The following CSMD1 variants were observed in gnomAD, a reference collection of about 807,000 sequenced individuals.
CSMD1 encodes CUB and sushi domain-containing protein 1.
CSMD1 carries 213 observed loss-of-function variants against 417.5 expected under a neutral mutation model. The ratio of observed to expected loss-of-function variants is 0.51; its 90% CI spans 0.46 to 0.57. The LOEUF (loss-of-function observed/expected upper bound fraction) is 0.57, where lower values mean the gene tolerates loss of function less well. CSMD1 is among the 20% of genes least tolerant of loss of function. CSMD1 has a pLI of 0.00. For synonymous variants in CSMD1, 2,862 were observed against 1,736.8 expected (o/e 1.65, Z -16.11); for missense variants, 6,923 against 4,529.7 (o/e 1.53, Z -15.17).
chr8:4,708,973 T>C (rs1416968105), intron 1 of CSMD1, among the ~76,000 whole-genome samples: 2 of 152,190 alleles, frequency 1.3e-5, no homozygotes, highest in African/African-American at 4.8e-5. Context: ...ATCCTGCTGA[T>C]ACCTCGATCT....
intron 1 of CSMD1, among the ~76,000 whole-genome samples, chr8:4,762,512 A>C (rs1400840335): frequency 6.6e-6 from 1 of 152,180 alleles, no homozygotes; most frequent in African/African-American, 2.4e-5. Context: ...AGGTAAGCAT[A>C]TATGTCTCCT....
intron 1 of CSMD1, among the ~76,000 whole-genome samples, chr8:4,980,409 G>C (rs73659428): frequency 5.3e-5 from 8 of 152,180 alleles, no homozygotes; most frequent in African/African-American, 1.7e-4. Context: ...GGCAGGTCTG[G>C]TCTTGTGTGT....
intron 26 of CSMD1, among the ~76,000 whole-genome samples, chr8:3,240,466 C>G (rs7839340): frequency 0.74 from 111,794 of 151,502 alleles, 41,920 homozygotes; most frequent in South Asian, 0.83. Flanking sequence ...GAGAGATCAG[C>G]TGAACACGAT....
At chr8:3,740,129 G>T (rs1796720399) in intron 6 of CSMD1, among the ~76,000 whole-genome samples, 1 of 152,032 alleles carries the variant, frequency 6.6e-6, no homozygotes, top group African/African-American at 2.4e-5. Context: ...TTTTGAGATG[G>T]AGTTTCACTC....
At chr8:3,671,047 G>GTATATGGGATATATA (rs1231383963) in intron 7 of CSMD1, among the ~76,000 whole-genome samples, 12 of 121,650 alleles carry the variant, frequency 9.9e-5, no homozygotes, top group African/African-American at 3.3e-4. Context: ...GGATATATAT[G>GTATATGGGATATATA]TATATAGGAT....
At chr8:3,313,431 C>A (rs538903685) in intron 23 of CSMD1, among the ~76,000 whole-genome samples, 1 of 152,110 alleles carries the variant, frequency 6.6e-6, no homozygotes, top group Non-Finnish European at 1.5e-5. Context: ...AAAAAACAAC[C>A]CCATCAAAAA....
At chr8:3,517,816 G>C (rs1797344965) in intron 10 of CSMD1, among the ~76,000 whole-genome samples, 1 of 152,132 alleles carries the variant, frequency 6.6e-6, no homozygotes, top group Non-Finnish European at 1.5e-5. Context: ...TTTAGTCTAT[G>C]AGAAGAAACA....
At chr8:3,625,241 G>A (rs1271703723) in intron 7 of CSMD1, among the ~76,000 whole-genome samples, 6 of 152,132 alleles carry the variant, frequency 3.9e-5, no homozygotes, top group Non-Finnish European at 5.9e-5. Context: ...AACATTAGAA[G>A]CTTTAAATGA....
rs562830115 is a variant in CSMD1, at chr8:3,882,753, T to G, written c.818+115150A>C. 5.9e-5 allele frequency among the ~76,000 whole-genome samples: 9 copies of G among 152,266 alleles called. No homozygotes were observed. In the South Asian group the frequency reaches 8.3e-4, roughly 14 times the overall value. On this transcript the variant is annotated intron_variant, in intron 5 of 69. Transcript: ENST00000635120. ...GTAGGTGAATGTCACAAACATAACT[T>G]TGTGTGAAAGAATCCAAAAGCAAAA... is the stretch of plus-strand genomic sequence containing the variant.
intron 5 of CSMD1, among the ~76,000 whole-genome samples, chr8:3,802,268 G>C (rs186937454): frequency 4.6e-5 from 7 of 152,142 alleles, no homozygotes; most frequent in Non-Finnish European, 7.4e-5. Context: ...ACATCTACAT[G>C]GATGAGATTT....
intron 3 of CSMD1, among the ~76,000 whole-genome samples, chr8:4,166,349 C>T (rs1018273154): frequency 3.3e-5 from 5 of 152,098 alleles, no homozygotes; most frequent in Non-Finnish European, 5.9e-5. Context: ...ACGTATTATA[C>T]ACCTACAGCA....
At chr8:3,243,494 G>C (rs1799679909) in intron 26 of CSMD1, among the ~76,000 whole-genome samples, 1 of 151,586 alleles carries the variant, frequency 6.6e-6, no homozygotes, top group African/African-American at 2.4e-5. Context: ...GGGCAGGTGT[G>C]GAGGGGGTCA....
intron 3 of CSMD1, among the ~76,000 whole-genome samples, chr8:4,116,867 G>C (rs1021692081): frequency 6.6e-6 from 1 of 151,940 alleles, no homozygotes; most frequent in Non-Finnish European, 1.5e-5. Flanking sequence ...ACTGTACAAT[G>C]TGCCAGAAAA....
chr8:4,558,467 C>G (rs1054229133), intron 2 of CSMD1, among the ~76,000 whole-genome samples: 2 of 152,132 alleles, frequency 1.3e-5, no homozygotes, highest in Non-Finnish European at 2.9e-5. Flanking sequence ...TGCAGTTTGA[C>G]TTCAAAGTAA....
intron 2 of CSMD1, among the ~76,000 whole-genome samples, chr8:4,580,419 T>C (rs930197534): frequency 1.3e-5 from 2 of 152,194 alleles, no homozygotes; most frequent in Admixed American, 6.5e-5. Flanking sequence ...ATAATGATAT[T>C]AAAAGCATAA....
At chr8:3,293,169 C>A (rs1435350299) in intron 25 of CSMD1, among the ~76,000 whole-genome samples, 2 of 152,124 alleles carry the variant, frequency 1.3e-5, no homozygotes, top group Non-Finnish European at 2.9e-5. Flanking sequence ...TCTCTTCTGG[C>A]TTGTAGAGTT....
At chr8:3,897,391 T>C (rs1212401586) in intron 5 of CSMD1, among the ~76,000 whole-genome samples, 1 of 152,210 alleles carries the variant, frequency 6.6e-6, no homozygotes, top group Non-Finnish European at 1.5e-5. Context: ...TGTGGGCCAA[T>C]TATAAAACAA....
chr8:4,309,652 A>G (rs1798449630), intron 3 of CSMD1, among the ~76,000 whole-genome samples: 1 of 152,172 alleles, frequency 6.6e-6, no homozygotes, highest in Admixed American at 6.6e-5. Flanking sequence ...TACTGAAATT[A>G]GACCGTATTT....
chr8:4,466,255 G>C (rs938042612), intron 2 of CSMD1, among the ~76,000 whole-genome samples: 4 of 152,086 alleles, frequency 2.6e-5, no homozygotes, highest in Non-Finnish European at 1.5e-5. Context: ...GATAACCACA[G>C]ATCAGTGGAA....
Sources: gnomAD v4.1 joint callset for allele counts (sites outside exome capture counted in the v4.1 genomes callset) on GRCh38, gnomAD v4.1.1 for gene constraint, MANE v1.5 for transcripts, NCBI Gene and HGNC (gene_info 2026-07-23, HGNC 2026-07-21) for gene names.